Variants in SLC25A36 observed in about 807,000 individuals in gnomAD.
SLC25A36 encodes the protein epididymis secretory sperm binding protein.
A neutral mutation model predicts 35.3 loss-of-function variants in SLC25A36; 24 were observed. The observed-to-expected ratio is 0.68, with a 90% CI of 0.49 to 0.96. SLC25A36 has a LOEUF of 0.96. SLC25A36 is among the 40% of genes least tolerant of loss of function. The probability of loss-of-function intolerance (pLI) is 0.00; values close to 1 mark genes in which losing one functional copy is unlikely to be tolerated. For missense variants in SLC25A36, 294 were observed against 381.1 expected (o/e 0.77, Z 1.90); for synonymous variants, 141 against 132.2 (o/e 1.07, Z -0.46).
chr3:140,961,021 A>G (rs1934613456), intron 3 of SLC25A36, among the ~76,000 whole-genome samples: 2 of 152,224 alleles, frequency 1.3e-5, no homozygotes, highest in Admixed American at 1.3e-4. Context: ...AACCTCTTCC[A>G]TGATAGAACA....
In SLC25A36 at chr3:140,942,044, C is replaced by T. The variant is rs1347138931; in HGVS notation, c.-11C>T. 4 of 1,462,208 alleles carry T rather than the reference C, an allele frequency of 2.7e-6. No individual in the cohort carries two copies. Among genetic ancestry groups the T allele is most frequent in the African/African-American group, 1.5e-5 (1 of 68,102 alleles). The allele number at this position is 1,462,208 out of a possible 1,614,324, so 90.6% of individuals were successfully genotyped here. Reference sequence around the variant, plus strand: ...CCCGCCTCAGCGGCCGGAGGACATGCGGGAGAGAGAATGAGCCAGAGGGAC... The same window carrying T: ...CCCGCCTCAGCGGCCGGAGGACATGTGGGAGAGAGAATGAGCCAGAGGGAC... On this transcript the variant is annotated 5_prime_UTR_variant, in exon 1 of 7. Transcript: ENST00000324194.
At chr3:140,960,657 T>G (rs914466002) in intron 3 of SLC25A36, among the ~76,000 whole-genome samples, 1 of 152,094 alleles carries the variant, frequency 6.6e-6, no homozygotes, top group Non-Finnish European at 1.5e-5. Context: ...GCTGAAGAGG[T>G]GTCAAGGTGA....
rs1576487722 is a variant in SLC25A36, at chr3:140,970,816, G to A, written c.386-111G>A. ...AGTGTAATATATACATAAATTAGTA[G>A]TTTATTTATATACATTTTCTTGAAT... is the stretch of plus-strand genomic sequence containing the variant. On this transcript the variant is annotated intron_variant, in intron 4 of 6. Coordinates refer to ENST00000324194, the MANE Select transcript of SLC25A36 (RefSeq NM_001104647.3). 4 of 572,520 alleles carry A rather than the reference G, an allele frequency of 7.0e-6. No individual in the cohort carries two copies. The East Asian group carries it at 1.2e-4, about 17-fold the overall frequency. The allele number at this position is 572,520 out of a possible 1,614,324, so 35.5% of individuals were successfully genotyped here.
At chr3:140,959,903 A>G (rs1010700995) in intron 3 of SLC25A36, among the ~76,000 whole-genome samples, 3 of 152,224 alleles carry the variant, frequency 2.0e-5, no homozygotes, top group Admixed American at 6.5e-5. Flanking sequence ...GGAAAATAAT[A>G]AAGTATCGCA....
intron 4 of SLC25A36, chr3:140,968,683 C>A: frequency 1.0e-6 from 1 of 982,428 alleles, no homozygotes; most frequent in Non-Finnish European, 1.2e-6. Context: ...TTTTTTCCAG[C>A]CTCAAATTCT....
intron 1 of SLC25A36, among the ~76,000 whole-genome samples, chr3:140,954,597 T>C (rs541510295): frequency 2.6e-4 from 39 of 152,362 alleles, no homozygotes; most frequent in African/African-American, 9.4e-4. Flanking sequence ...TAGTATCTTA[T>C]AATGGATCTA....
At chr3:140,943,471 C>T (rs532693305) in intron 1 of SLC25A36, among the ~76,000 whole-genome samples, 5 of 152,272 alleles carry the variant, frequency 3.3e-5, no homozygotes, top group African/African-American at 1.2e-4. Context: ...TTCCATATTT[C>T]TGAAATGTTT....
chr3:140,963,070 A>G, intron 3 of SLC25A36, 57 bp from the exon 4 acceptor site: 2 of 1,067,714 alleles, frequency 1.9e-6, no homozygotes, highest in Non-Finnish European at 2.7e-6. Flanking sequence ...ATCAATTTAT[A>G]TGTAAATCTT....
intron 4 of SLC25A36, chr3:140,964,661 T>A (rs1303303160): frequency 6.6e-6 from 1 of 151,858 alleles, no homozygotes; most frequent in African/African-American, 2.4e-5. Flanking sequence ...TATTTCTGAA[T>A]TACCAGTGAT....
chr3:140,962,698 A>G (rs1036791152), intron 3 of SLC25A36, among the ~76,000 whole-genome samples: 4 of 152,090 alleles, frequency 2.6e-5, no homozygotes, highest in Admixed American at 6.5e-5. Context: ...CAGTAACTAT[A>G]TTTAGCCTTA....
chr3:140,943,578 T>C (rs571260458), intron 1 of SLC25A36, among the ~76,000 whole-genome samples: 16 of 152,344 alleles, frequency 1.1e-4, no homozygotes, highest in African/African-American at 3.8e-4. Context: ...GAGCTCCCTC[T>C]TGTAATTAGA....
rs1935130603 is a variant in SLC25A36 at position 140,979,300 on chromosome 3, C to T, written c.*2847C>T. On this transcript the variant is annotated 3_prime_UTR_variant, in exon 7 of 7. Transcript: ENST00000324194. ...TATTACTGGGTTACAGACATTTCAG[C>T]ATTTTTAGGTTGGTTTTAAATCACT... 2 of 152,124 alleles carry T rather than the reference C, an allele frequency of 1.3e-5. No homozygotes were observed. The allele number at this position is 152,124 out of a possible 1,614,324, so 9.4% of individuals were successfully genotyped here.
rs936586508 is a variant in SLC25A36, at chr3:140,978,255, A to G, written c.*1802A>G. 6.6e-6 allele frequency: 1 copy of G among 152,120 alleles called. No homozygotes were observed. The allele number at this position is 152,120 out of a possible 1,614,324, so 9.4% of individuals were successfully genotyped here. A position where few individuals can be genotyped will look rare whatever the true frequency, so the allele number is the denominator to read the frequency against. On this transcript the variant is annotated 3_prime_UTR_variant, in exon 7 of 7. Transcript: ENST00000324194. ...GACCAAAGGCAAAATCAGTTTTCTT[A>G]CCTTTGGAATTATTCGTACCTTTTA...
intron 6 of SLC25A36, among the ~76,000 whole-genome samples, chr3:140,975,612 A>T (rs867140920): frequency 1.3e-5 from 2 of 152,234 alleles, no homozygotes; most frequent in Admixed American, 6.5e-5. Context: ...TTCTACCCAC[A>T]ACTGGCCAAA....
chr3:140,973,219 G>A (rs1934950975), intron 5 of SLC25A36: 1 of 152,234 alleles, frequency 6.6e-6, no homozygotes. Context: ...GGGGTTGAAA[G>A]AGAATCCCTC....
At chr3:140,968,033 T>C in intron 4 of SLC25A36, 1 of 984,856 alleles carries the variant, frequency 1.0e-6, no homozygotes, top group African/African-American at 1.7e-5. Context: ...TTTGTGTGTG[T>C]TTGTCATATA....
chr3:140,948,857 C>T (rs1233767751), intron 1 of SLC25A36, among the ~76,000 whole-genome samples: 6 of 152,114 alleles, frequency 3.9e-5, no homozygotes, highest in Non-Finnish European at 7.3e-5. Context: ...GGTTTTATGT[C>T]TATGTACCTG....
chr3:140,960,198 C>T (rs1320513072), intron 3 of SLC25A36, among the ~76,000 whole-genome samples: 5 of 151,982 alleles, frequency 3.3e-5, no homozygotes, highest in Non-Finnish European at 4.4e-5. Flanking sequence ...TTTGGGGGTG[C>T]AGAATTGAAA....
At chr3:140,975,094 A>ATTTTTTTT (rs1272903563) in intron 6 of SLC25A36, among the ~76,000 whole-genome samples, 30 of 24,210 alleles carry the variant, frequency 1.2e-3, no homozygotes, top group Non-Finnish European at 3.7e-3. Flanking sequence ...AACAAGATAC[A>ATTTTTTTT]TTCTTTTTTT....
Sources: gnomAD v4.1 joint callset for allele counts (sites outside exome capture counted in the v4.1 genomes callset) on GRCh38, gnomAD v4.1.1 for gene constraint, MANE v1.5 for transcripts, NCBI Gene and HGNC (gene_info 2026-07-23, HGNC 2026-07-21) for gene names.